Variants in ZFPM2 observed in about 807,000 individuals in gnomAD.
ZFPM2 encodes the protein zinc finger protein, FOG family member 2, also known as zinc finger protein ZFPM2.
Under a neutral mutation model 98.6 loss-of-function variants are expected in ZFPM2, and 20 were observed. The ratio of observed to expected loss-of-function variants is 0.20; its 90% CI spans 0.14 to 0.29. The LOEUF is 0.29. Ranked by LOEUF, ZFPM2 falls within the 10% of genes least tolerant of loss-of-function variation. The pLI is 1.00. For missense variants in ZFPM2, 1,310 were observed against 1,388.6 expected (o/e 0.94, Z 0.90); for synonymous variants, 518 against 502.7 (o/e 1.03, Z -0.41).
At chr8:105,484,792 T>A (rs976787192) in intron 3 of ZFPM2, among the ~76,000 whole-genome samples, 5 of 152,212 alleles carry the variant, frequency 3.3e-5, no homozygotes, top group South Asian at 2.1e-4. Context: ...GAGCTTTTCT[T>A]AGGGGGCCTT....
rs984688746 is a variant in ZFPM2 at position 105,426,016 on chromosome 8, A to C, written c.199+6714A>C. ...TTTGCTATATTTTATAAATCCTTTCAATGAACATGCTTTCTTTCCTCCTTG... is the reference window on the plus strand; with the variant it reads ...TTTGCTATATTTTATAAATCCTTTCCATGAACATGCTTTCTTTCCTCCTTG... On this transcript the variant is annotated intron_variant, in intron 2 of 7. Coordinates refer to ENST00000407775, the MANE Select transcript of ZFPM2 (RefSeq NM_012082.4). 5.9e-5 allele frequency among the ~76,000 whole-genome samples: 9 copies of C among 152,244 alleles called. 1 individual carries two copies. The highest frequency in any genetic ancestry group is 5.2e-4 in the Admixed American group (8 of 15,296).
At chr8:105,527,043 C>T (rs1814189283) in intron 3 of ZFPM2, among the ~76,000 whole-genome samples, 1 of 152,102 alleles carries the variant, frequency 6.6e-6, no homozygotes, top group South Asian at 2.1e-4. Context: ...CGAGGAAAGA[C>T]TACTTGCAAA....
rs1283542381 is a variant in ZFPM2, at chr8:105,683,320, A to G, written c.532+48963A>G. ...GGAGCAGTGGTTTTCTGGTTTTCCA[A>G]TGCACATGCAAACTGCCGATAAGCT... On this transcript the variant is annotated intron_variant, in intron 5 of 7. Coordinates refer to ENST00000407775, the MANE Select transcript of ZFPM2 (RefSeq NM_012082.4). Among the ~76,000 whole-genome samples the G allele has an allele frequency of 2.0e-5, 3 of 152,100 alleles. No individual in the cohort carries two copies. In the East Asian group the frequency reaches 5.8e-4, roughly 29 times the overall value.
intron 3 of ZFPM2, among the ~76,000 whole-genome samples, chr8:105,486,215 T>C (rs1310976544): frequency 1.3e-5 from 2 of 152,160 alleles, no homozygotes; most frequent in Non-Finnish European, 2.9e-5. Flanking sequence ...AGCATCTTAT[T>C]GGATGTCTAG....
At chr8:105,624,883 G>T (rs1349970398) in intron 4 of ZFPM2, among the ~76,000 whole-genome samples, 1 of 152,086 alleles carries the variant, frequency 6.6e-6, no homozygotes, top group African/African-American at 2.4e-5. Context: ...GGACATAATA[G>T]CCAAGAATTC....
intron 1 of ZFPM2, among the ~76,000 whole-genome samples, chr8:105,342,297 C>A (rs1812445073): frequency 6.6e-6 from 1 of 151,982 alleles, no homozygotes; most frequent in African/African-American, 2.4e-5. Flanking sequence ...CATTCAGATT[C>A]AGCCCACAAG....
chr8:105,552,963 C>A (rs1814898747), intron 3 of ZFPM2, among the ~76,000 whole-genome samples: 1 of 151,576 alleles, frequency 6.6e-6, no homozygotes, highest in African/African-American at 2.4e-5. Flanking sequence ...GCTCATGCCA[C>A]CACACCTGGC....
At chr8:105,589,922 C>T (rs1437569659) in intron 4 of ZFPM2, among the ~76,000 whole-genome samples, 1 of 152,128 alleles carries the variant, frequency 6.6e-6, no homozygotes, top group Non-Finnish European at 1.5e-5. Flanking sequence ...AGGGTTTTGC[C>T]ATGTTGGCCA....
In ZFPM2 at chr8:105,449,970, G is replaced by A. The variant is rs145946213; in HGVS notation, c.301+5589G>A. On this transcript the variant is annotated intron_variant, in intron 3 of 7. Transcript: ENST00000407775. ...ATGATTTTGCAATGTAAAAGTCATC[G>A]TAGTATTATATTAAGTATGTTCTAT... Among the ~76,000 whole-genome samples, 262 of 152,100 alleles carry A rather than the reference G, an allele frequency of 1.7e-3. 1 individual carries two copies. The highest frequency in any genetic ancestry group is 5.9e-3 in the African/African-American group (245 of 41,518).
At chr8:105,504,996 T>C (rs578249180) in intron 3 of ZFPM2, among the ~76,000 whole-genome samples, 2 of 152,298 alleles carry the variant, frequency 1.3e-5, no homozygotes, top group East Asian at 1.9e-4. Flanking sequence ...CATATTTGAC[T>C]ATTCACAAAA....
At chr8:105,748,665 T>C (rs1178970297) in intron 5 of ZFPM2, among the ~76,000 whole-genome samples, 1 of 151,996 alleles carries the variant, frequency 6.6e-6, no homozygotes. Context: ...TTAAAATATC[T>C]CCGAAAAAAA....
At chr8:105,360,668 C>T (rs1812839909) in intron 1 of ZFPM2, among the ~76,000 whole-genome samples, 1 of 144,676 alleles carries the variant, frequency 6.9e-6, no homozygotes, top group Non-Finnish European at 1.5e-5. Context: ...GTTCCCCTTC[C>T]TGTGTCCATG....
chr8:105,526,533 T>G (rs140639462), intron 3 of ZFPM2, among the ~76,000 whole-genome samples: 2 of 152,318 alleles, frequency 1.3e-5, no homozygotes, highest in Middle Eastern at 3.4e-3. Context: ...CTGACTAGCC[T>G]CTTTGATTTT....
At chr8:105,525,620 G>A (rs938328930) in intron 3 of ZFPM2, among the ~76,000 whole-genome samples, 2 of 152,138 alleles carry the variant, frequency 1.3e-5, no homozygotes, top group African/African-American at 2.4e-5. Flanking sequence ...GTACTAGGCA[G>A]TTAGGTGATA....
intron 1 of ZFPM2, among the ~76,000 whole-genome samples, chr8:105,330,626 ATATAT>A: frequency 1.0e-5 from 1 of 96,096 alleles, no homozygotes; most frequent in Admixed American, 1.2e-4. Flanking sequence ...ATATATATAT[ATATAT>A]ACATATATAT....
At chr8:105,399,039 G>A (rs1279729703) in intron 1 of ZFPM2, among the ~76,000 whole-genome samples, 4 of 152,154 alleles carry the variant, frequency 2.6e-5, no homozygotes, top group Non-Finnish European at 5.9e-5. Context: ...TTAGGAAAGA[G>A]CTCTGGGGTT....
chr8:105,688,106 C>T (rs1810784460), intron 5 of ZFPM2, among the ~76,000 whole-genome samples: 1 of 151,932 alleles, frequency 6.6e-6, no homozygotes, highest in South Asian at 2.1e-4. Flanking sequence ...AATGGTTGAA[C>T]TACTCAACTT....
At chr8:105,508,483 A>G (rs1439518563) in intron 3 of ZFPM2, among the ~76,000 whole-genome samples, 1 of 152,058 alleles carries the variant, frequency 6.6e-6, no homozygotes, top group Non-Finnish European at 1.5e-5. Flanking sequence ...TTTCTCTCGT[A>G]ACAATTAATA....
intron 4 of ZFPM2, among the ~76,000 whole-genome samples, chr8:105,617,020 G>GGAAAAAAAAAA (rs1816431048): frequency 3.6e-5 from 1 of 28,120 alleles, no homozygotes; most frequent in African/African-American, 1.5e-4. Context: ...ACTCTGTCTC[G>GGAAAAAAAAAA]AAAAAAAAAA....
Sources: allele counts gnomAD v4.1 joint callset (sites outside exome capture counted in the v4.1 genomes callset), GRCh38; gene constraint gnomAD v4.1.1; transcripts MANE v1.5; gene names NCBI Gene and HGNC (gene_info 2026-07-23, HGNC 2026-07-21).